SEM1: variants seen among roughly 807,000 people sequenced by gnomAD.
SEM1 encodes SEM1 26S proteasome subunit.
Under a neutral mutation model 12.7 loss-of-function variants are expected in SEM1, and 3 were observed. The ratio of observed to expected loss-of-function variants is 0.24; its 90% CI spans 0.11 to 0.61. The LOEUF (loss-of-function observed/expected upper bound fraction) is 0.61. SEM1 is among the 20% of genes least tolerant of loss of function. The pLI is 0.88. For synonymous variants in SEM1, 30 were observed against 27.8 expected (o/e 1.08, Z -0.25); for missense variants, 59 against 81.3 (o/e 0.73, Z 1.06).
At chr7:96,555,324 A>T (rs1805446320) in intron 2 of SEM1, among the ~76,000 whole-genome samples, 1 of 150,678 alleles carries the variant, frequency 6.6e-6, no homozygotes, top group African/African-American at 2.5e-5. Flanking sequence ...TCTTGTGGGC[A>T]TTTAGTGCTG....
chr7:96,485,425 C>G (rs1584691994), intron 2 of SEM1, among the ~76,000 whole-genome samples: 1 of 151,782 alleles, frequency 6.6e-6, no homozygotes, highest in African/African-American at 2.4e-5. Context: ...TTGCTTTGAT[C>G]TTCCCAACTC....
At chr7:96,658,654 G>T (rs1809263918) in intron 2 of SEM1, among the ~76,000 whole-genome samples, 1 of 152,150 alleles carries the variant, frequency 6.6e-6, no homozygotes. Flanking sequence ...AACTATTGTT[G>T]AAGAGACCAG....
intron 2 of SEM1, among the ~76,000 whole-genome samples, chr7:96,531,745 C>T (rs1402021569): frequency 6.6e-6 from 1 of 151,946 alleles, no homozygotes. Context: ...GAAATTTTAA[C>T]ATTTACCCTA....
chr7:96,655,976 C>T (rs1809167480), intron 2 of SEM1, among the ~76,000 whole-genome samples: 1 of 152,142 alleles, frequency 6.6e-6, no homozygotes, highest in African/African-American at 2.4e-5. Flanking sequence ...AACTTTGGGT[C>T]AGATTCCCAC....
chr7:96,632,060 G>A (rs1048507680), intron 2 of SEM1, among the ~76,000 whole-genome samples: 3 of 152,188 alleles, frequency 2.0e-5, no homozygotes, highest in Non-Finnish European at 4.4e-5. Flanking sequence ...AACAACAGAT[G>A]CTGGAGGGGA....
At chr7:96,673,723 T>C (rs757681523) in exon 3 of SEM1, 1 of 764,438 alleles carries the variant, frequency 1.3e-6, no homozygotes, top group South Asian at 1.3e-5. Flanking sequence ...TCTTTACATT[T>C]AGGTGGGGCC....
At chr7:96,686,688 G>A (rs1449060008), downstream of SEM1, among the ~76,000 whole-genome samples, 4 of 152,110 alleles carry the variant, frequency 2.6e-5, no homozygotes, top group Non-Finnish European at 5.9e-5. Flanking sequence ...AAAAACCCTA[G>A]AAGAAAACCT....
At chr7:96,528,206 T>C (rs1172812135) in intron 2 of SEM1, among the ~76,000 whole-genome samples, 2 of 152,156 alleles carry the variant, frequency 1.3e-5, no homozygotes, top group Non-Finnish European at 2.9e-5. Flanking sequence ...GGGGTTGTTT[T>C]GTTTCGAGAC....
At chr7:96,548,664 T>C (rs1805174566) in intron 2 of SEM1, among the ~76,000 whole-genome samples, 1 of 152,164 alleles carries the variant, frequency 6.6e-6, no homozygotes. Context: ...TATCTGGTTC[T>C]TTTAGTTTTT....
At chr7:96,645,382 A>G (rs2116412393) in intron 2 of SEM1, 1 of 168,514 alleles carries the variant, frequency 5.9e-6, no homozygotes, top group South Asian at 2.0e-4. Flanking sequence ...CATTAGAAAC[A>G]GGAAAGCGGG....
chr7:96,588,921 T>G (rs1008288537), intron 2 of SEM1, among the ~76,000 whole-genome samples: 1 of 152,248 alleles, frequency 6.6e-6, no homozygotes, highest in Non-Finnish European at 1.5e-5. Context: ...AACCATTTTT[T>G]TAAATTGGCT....
chr7:96,486,881 G>A (rs1472934835), intron 1 of SEM1, among the ~76,000 whole-genome samples: 1 of 152,190 alleles, frequency 6.6e-6, no homozygotes, highest in Non-Finnish European at 1.5e-5. Flanking sequence ...CCAATGAAGA[G>A]TTCTTCTTCT....
chr7:96,565,395 G>A (rs1040480312), intron 2 of SEM1, among the ~76,000 whole-genome samples: 2 of 151,818 alleles, frequency 1.3e-5, no homozygotes, highest in African/African-American at 4.8e-5. Flanking sequence ...ATGGCCCGGA[G>A]GCAGCCATTA....
At chr7:96,589,401 GC>G (rs1806757565) in intron 2 of SEM1, among the ~76,000 whole-genome samples, 1 of 152,154 alleles carries the variant, frequency 6.6e-6, no homozygotes, top group African/African-American at 2.4e-5. Flanking sequence ...TTCTTGCTGA[GC>G]TGATCTCAAG....
chr7:96,664,239 G>T (rs1050278188), intron 2 of SEM1: 2 of 152,194 alleles, frequency 1.3e-5, no homozygotes, highest in Non-Finnish European at 2.9e-5. Context: ...GGTCTCCCTG[G>T]AACAACAGGA....
Position 96,559,215 on chromosome 7 carries a change from T to C in SEM1, c.171-52517A>G, listed in dbSNP as rs542614308. 2.6e-5 allele frequency among the ~76,000 whole-genome samples: 4 copies of C among 152,306 alleles called. No individual in the cohort carries two copies. The East Asian group carries it at 5.8e-4, about 22-fold the overall frequency. The stretch of plus-strand genomic sequence containing the variant: ...TAGTATATAAATTTTTTCATATTTT[T>C]CCCATTTCTATCTAGAGATATATAT... On this transcript the variant is annotated intron_variant and NMD_transcript_variant, in intron 2 of 3. Transcript: ENST00000466986.
intron 2 of SEM1, among the ~76,000 whole-genome samples, chr7:96,574,084 G>T (rs1033831399): frequency 6.6e-6 from 1 of 151,748 alleles, no homozygotes; most frequent in African/African-American, 2.4e-5. Flanking sequence ...ATCCCTCCCC[G>T]CTCCTCCCAC....
chr7:96,670,691 A>C (rs1584851186), downstream of SEM1, among the ~76,000 whole-genome samples: 1 of 152,224 alleles, frequency 6.6e-6, no homozygotes, highest in South Asian at 2.1e-4. Context: ...GCATTGTTTG[A>C]GGAAATTATA....
At chr7:96,574,622 G>A (rs73224537) in intron 2 of SEM1, among the ~76,000 whole-genome samples, 2,837 of 151,796 alleles carry the variant, frequency 0.019, 33 homozygotes, top group Non-Finnish European at 0.028. Context: ...TTTAATGATC[G>A]CACATGGTCC....
Sources: allele counts gnomAD v4.1 joint callset (sites outside exome capture counted in the v4.1 genomes callset), GRCh38; gene constraint gnomAD v4.1.1; transcripts MANE v1.5; gene names NCBI Gene and HGNC (gene_info 2026-07-23, HGNC 2026-07-21).